Variants in PRKCH observed in about 807,000 individuals in gnomAD.
The protein encoded by PRKCH is protein kinase C eta.
In PRKCH, 28 loss-of-function variants were observed where a neutral mutation model predicts 82.5. The observed-to-expected ratio is 0.34, with a 90% CI of 0.25 to 0.47. PRKCH has a LOEUF of 0.47. Ranked by LOEUF, PRKCH falls within the 20% of genes least tolerant of loss-of-function variation. The pLI, the probability that PRKCH is intolerant of heterozygous loss-of-function variation, is 1.00. For missense variants in PRKCH, 705 were observed against 881.8 expected (o/e 0.80, Z 2.54); for synonymous variants, 322 against 327.4 (o/e 0.98, Z 0.18).
intron 2 of PRKCH, among the ~76,000 whole-genome samples, chr14:61,432,268 A>T (rs1361654848): frequency 6.6e-6 from 1 of 152,046 alleles, no homozygotes; most frequent in Non-Finnish European, 1.5e-5. Flanking sequence ...AAGCTCCATT[A>T]ACTAGATGTT....
intron 2 of PRKCH, among the ~76,000 whole-genome samples, chr14:61,422,975 T>C (rs1460556985): frequency 6.6e-6 from 1 of 152,248 alleles, no homozygotes; most frequent in Non-Finnish European, 1.5e-5. Context: ...TCCATATTTC[T>C]TAAGAATGTC....
intron 1 of PRKCH, among the ~76,000 whole-genome samples, chr14:61,354,740 A>G (rs182674007): frequency 0.011 from 1,672 of 152,250 alleles, 32 homozygotes; most frequent in South Asian, 0.067. Flanking sequence ...TATTCCCCAG[A>G]GTATTTTAGG....
intron 9 of PRKCH, among the ~76,000 whole-genome samples, chr14:61,468,180 T>G (rs181544688): frequency 6.4e-4 from 97 of 152,330 alleles, no homozygotes; most frequent in Non-Finnish European, 1.1e-3. Flanking sequence ...GGAACCAGGT[T>G]TCCCCCTTTC....
At chr14:61,199,032 G>C (rs2044460623) in intron 1 of PRKCH, among the ~76,000 whole-genome samples, 1 of 152,060 alleles carries the variant, frequency 6.6e-6, no homozygotes, top group African/African-American at 2.4e-5. Flanking sequence ...CACAATGGGG[G>C]AAAAGCAATT....
At chr14:61,398,546 G>A (rs894178909) in intron 2 of PRKCH, among the ~76,000 whole-genome samples, 3 of 152,158 alleles carry the variant, frequency 2.0e-5, no homozygotes, top group Admixed American at 2.0e-4. Flanking sequence ...AAACTTAAAT[G>A]GTTGGCCCAC....
chr14:61,379,681 G>A (rs1263125987), intron 1 of PRKCH, among the ~76,000 whole-genome samples: 4 of 152,152 alleles, frequency 2.6e-5, no homozygotes, highest in African/African-American at 4.8e-5. Context: ...GCTCACTTGT[G>A]GGGCCGATGA....
At chr14:61,355,818 G>C (rs1292633792) in intron 1 of PRKCH, among the ~76,000 whole-genome samples, 1 of 152,058 alleles carries the variant, frequency 6.6e-6, no homozygotes, top group Non-Finnish European at 1.5e-5. Flanking sequence ...AGCCAGTCTG[G>C]AAGATCTCCA....
intron 1 of PRKCH, among the ~76,000 whole-genome samples, chr14:61,370,606 G>A (rs2046353459): frequency 6.6e-6 from 1 of 152,106 alleles, no homozygotes; most frequent in Admixed American, 6.5e-5. Flanking sequence ...CCTGAAATCA[G>A]AGTGTAATGG....
At chr14:61,322,564 C>A in intron 1 of PRKCH, 100 bp downstream of exon 1, 1 of 1,460,354 alleles carries the variant, frequency 6.8e-7, no homozygotes, top group South Asian at 1.4e-5. Flanking sequence ...CGCTTTGTGG[C>A]TGAGGGAATT....
At position 61,280,987 on chromosome 14, in the gene PRKCH, T is replaced by C. The variant is rs2045258594; in HGVS notation, c.-19+93319T>C. 1.3e-6 allele frequency: 2 copies of C among 1,542,176 alleles called. No individual in the cohort carries two copies. Among genetic ancestry groups the C allele is most frequent in the East Asian group, 2.5e-5 (1 of 40,644 alleles). On this transcript the variant is annotated intron_variant, in intron 1 of 3. Coordinates refer to the PRKCH transcript ENST00000555185. This position sits in a 1 kb window ranked among gnomAD's most constrained non-coding sequence, Gnocchi z 5.0. The stretch of plus-strand genomic sequence containing the variant: ...CTCCTTGATGCCGTTGGAGGAGTAG[T>C]AGAGGCCCAGGCCCAGGCCGATGAA...
intron 10 of PRKCH, 187 bp from the exon 11 acceptor site, chr14:61,528,888 T>C (rs1333520800): frequency 2.1e-6 from 1 of 470,790 alleles, no homozygotes; most frequent in East Asian, 3.9e-5. Context: ...TGAGACTTGA[T>C]CTAAATGTGT....
At chr14:61,339,136 T>A (rs2045896327) in intron 1 of PRKCH, among the ~76,000 whole-genome samples, 1 of 151,660 alleles carries the variant, frequency 6.6e-6, no homozygotes, top group African/African-American at 2.4e-5. Flanking sequence ...CTTAAGTAGG[T>A]TCCCTTACTT....
intron 11 of PRKCH, 68 bp from the exon 12 acceptor site, chr14:61,530,339 T>G: frequency 2.9e-6 from 4 of 1,395,050 alleles, no homozygotes; most frequent in Non-Finnish European, 3.8e-6. Flanking sequence ...TCAATTTCCC[T>G]AGTTATGAAG....
chr14:61,266,310 C>G (rs947589750), intron 1 of PRKCH, among the ~76,000 whole-genome samples: 2 of 151,658 alleles, frequency 1.3e-5, no homozygotes, highest in African/African-American at 4.8e-5. Flanking sequence ...TCCAGCTACT[C>G]GGGAGGCTGA....
chr14:61,367,629 G>C (rs1217178435), intron 1 of PRKCH, among the ~76,000 whole-genome samples: 6 of 151,928 alleles, frequency 3.9e-5, no homozygotes, highest in Admixed American at 3.3e-4. Context: ...GAAAGAGACT[G>C]CCCAGAGTGG....
At chr14:61,318,328 T>G (rs377249270), upstream of PRKCH, among the ~76,000 whole-genome samples, 1 of 151,500 alleles carries the variant, frequency 6.6e-6, no homozygotes, top group Non-Finnish European at 1.5e-5. Flanking sequence ...TGGCTTCCCC[T>G]GTGAACACAG....
chr14:61,277,775 A>G (rs1013122595), intron 1 of PRKCH: 4 of 152,236 alleles, frequency 2.6e-5, no homozygotes, highest in African/African-American at 9.6e-5. Context: ...AGGACTATCT[A>G]GTTTATATAC....
intron 1 of PRKCH, chr14:61,305,590 T>TA (rs1566813561): frequency 6.6e-6 from 1 of 151,980 alleles, no homozygotes; most frequent in Non-Finnish European, 1.5e-5. Flanking sequence ...TGCTCTCTGT[T>TA]AGAGATAATT....
At chr14:61,392,945 A>T (rs1341043301) in intron 2 of PRKCH, among the ~76,000 whole-genome samples, 1 of 151,162 alleles carries the variant, frequency 6.6e-6, no homozygotes, top group Non-Finnish European at 1.5e-5. Context: ...GAGTTGAAAC[A>T]TTTTTTTTCA....
Sources: allele counts gnomAD v4.1 joint callset (sites outside exome capture counted in the v4.1 genomes callset), GRCh38; gene constraint gnomAD v4.1.1; non-coding constraint Gnocchi (gnomAD v3.1); transcripts MANE v1.5; gene names NCBI Gene and HGNC (gene_info 2026-07-23, HGNC 2026-07-21).